LZTFL1: variants seen among roughly 807,000 people sequenced by gnomAD.
LZTFL1 encodes leucine zipper transcription factor-like protein 1.
A neutral mutation model predicts 45.9 loss-of-function variants in LZTFL1; 25 were observed. The ratio of observed to expected loss-of-function variants is 0.54; its 90% CI spans 0.40 to 0.76. The LOEUF (loss-of-function observed/expected upper bound fraction) is 0.76. Among genes scored for constraint, LZTFL1 ranks in the 30% least tolerant of loss-of-function variants. LZTFL1 has a pLI of 0.00. For missense variants in LZTFL1, 277 were observed against 331.1 expected, an observed-to-expected ratio of 0.84 and a Z score of 1.27; for synonymous variants, 93 against 117.4, an observed-to-expected ratio of 0.79 and a Z score of 1.35.
Position 45,864,286 on chromosome 3 carries a change from T to C in LZTFL1, c.-214-5270A>G, listed in dbSNP as rs912663985. ...CAAAATAATGAGGAAGGCATTATCA[T>C]AGGAAGATAACAAAATTTTAATACG... On this transcript the variant is annotated intron_variant, in intron 2 of 4. Coordinates refer to the LZTFL1 transcript ENST00000472635. 3.1e-4 allele frequency among the ~76,000 whole-genome samples: 47 copies of C among 152,192 alleles called. 1 individual carries two copies. The highest frequency in any genetic ancestry group is 1.3e-3 in the Admixed American group (20 of 15,272).
chr3:45,829,475 A>C (rs935922560), intron 7 of LZTFL1, among the ~76,000 whole-genome samples: 2 of 152,030 alleles, frequency 1.3e-5, no homozygotes, highest in African/African-American at 4.8e-5. Flanking sequence ...ATGGTGGCAC[A>C]TGCCTGTGGT....
At chr3:45,908,431 C>T (rs1320274255) in intron 2 of LZTFL1, among the ~76,000 whole-genome samples, 1 of 152,208 alleles carries the variant, frequency 6.6e-6, no homozygotes, top group Non-Finnish European at 1.5e-5. Flanking sequence ...CAGACACAGG[C>T]GTGGTGCTCA....
chr3:45,879,144 A>G (rs993238420), intron 2 of LZTFL1, among the ~76,000 whole-genome samples: 4 of 152,190 alleles, frequency 2.6e-5, no homozygotes, highest in African/African-American at 9.7e-5. Flanking sequence ...TGATCTAGCA[A>G]TCGTGCTTCT....
At chr3:45,826,666 A>T (rs1481204372) in intron 9 of LZTFL1, among the ~76,000 whole-genome samples, 1 of 152,232 alleles carries the variant, frequency 6.6e-6, no homozygotes, top group Non-Finnish European at 1.5e-5. Context: ...CTAAGGACAA[A>T]TCTCACCTTG....
chr3:45,824,003 CATTT>C lies in LZTFL1; in HGVS notation c.*2307_*2310del, dbSNP rs1700603092. The C allele has an allele frequency of 6.6e-6, 1 of 152,132 alleles. No individual in the cohort carries two copies. Among genetic ancestry groups the C allele is most frequent in the Admixed American group, 6.5e-5 (1 of 15,284 alleles). The allele number at this position is 152,132 out of a possible 1,614,324, so 9.4% of individuals were successfully genotyped here. A position where few individuals can be genotyped will look rare whatever the true frequency, so the allele number is the denominator to read the frequency against. ...AGACATAAGCAAATTATCATTTAAA[CATTT>C]ATTTAATATAGGTTAAAATGTAATA... On this transcript the variant is annotated 3_prime_UTR_variant, in exon 10 of 10. Transcript: ENST00000296135.
At chr3:45,833,252 G>C (rs1700879148) in intron 4 of LZTFL1, 131 bp from the exon 5 acceptor site, 1 of 652,682 alleles carries the variant, frequency 1.5e-6, no homozygotes, top group Non-Finnish European at 2.7e-6. Context: ...TTCCACAGGT[G>C]TGGAGATTTC....
intron 2 of LZTFL1, among the ~76,000 whole-genome samples, chr3:45,874,834 A>G (rs1701724999): frequency 6.6e-6 from 1 of 152,170 alleles, no homozygotes; most frequent in Non-Finnish European, 1.5e-5. Flanking sequence ...CTCTCTCTAT[A>G]ACCTTATCAT....
chr3:45,883,980 C>A, intron 2 of LZTFL1: 1 of 320,536 alleles, frequency 3.1e-6, no homozygotes, highest in East Asian at 7.1e-5. Context: ...TGCTGCACTC[C>A]ACGCCATTCT....
At chr3:45,842,955 G>C (rs1701156297), upstream of LZTFL1, among the ~76,000 whole-genome samples, 1 of 152,236 alleles carries the variant, frequency 6.6e-6, no homozygotes, top group South Asian at 2.1e-4. Context: ...TCACTCACAT[G>C]ATACAGAGGT....
upstream of LZTFL1, among the ~76,000 whole-genome samples, chr3:45,844,090 ATAT>A (rs5848772): frequency 0.55 from 83,879 of 151,636 alleles, 23,492 homozygotes; most frequent in East Asian, 0.69. Flanking sequence ...AATTCTTTTT[ATAT>A]TATTATGAAA....
At chr3:45,887,303 A>G (rs1420744586) in intron 2 of LZTFL1, among the ~76,000 whole-genome samples, 1 of 151,812 alleles carries the variant, frequency 6.6e-6, no homozygotes, top group African/African-American at 2.4e-5. Flanking sequence ...AAAAGTCAGA[A>G]AGGAAGTATC....
intron 2 of LZTFL1, among the ~76,000 whole-genome samples, chr3:45,908,247 G>C (rs1002733112): frequency 1.3e-5 from 2 of 152,160 alleles, no homozygotes; most frequent in African/African-American, 4.8e-5. Context: ...TGCCGTGGGA[G>C]GCTTGCTCTG....
Position 45,824,440 on chromosome 3 carries a change from C to T in LZTFL1, c.*1874G>A, listed in dbSNP as rs1379211277. On this transcript the variant is annotated 3_prime_UTR_variant, in exon 10 of 10. Coordinates refer to ENST00000296135, the MANE Select transcript of LZTFL1 (RefSeq NM_020347.4). ...GTGTTTACATGTGAAAGAATCATCACGTTGATTTACGTCAAAGAACATCAT... is the reference window on the plus strand; with the variant it reads ...GTGTTTACATGTGAAAGAATCATCATGTTGATTTACGTCAAAGAACATCAT... 6.0e-6 allele frequency: 1 copy of T among 167,630 alleles called. No individual in the cohort carries two copies. Among genetic ancestry groups the T allele is most frequent in the Non-Finnish European group, 1.3e-5 (1 of 78,628 alleles). The allele number at this position is 167,630 out of a possible 1,614,324, so 10.4% of individuals were successfully genotyped here.
upstream of LZTFL1, among the ~76,000 whole-genome samples, chr3:45,846,979 C>G (rs535667748): frequency 2.0e-5 from 3 of 152,274 alleles, no homozygotes; most frequent in East Asian, 1.9e-4. Flanking sequence ...AAGTCAAAAT[C>G]AGTCTTGAAT....
intron 2 of LZTFL1, chr3:45,895,144 G>C: frequency 1.6e-6 from 1 of 634,478 alleles, no homozygotes; most frequent in Non-Finnish European, 2.8e-6. Context: ...ATGCAAAGAG[G>C]CAGCTATGCT....
intron 2 of LZTFL1, among the ~76,000 whole-genome samples, chr3:45,873,474 T>C (rs187303932): frequency 6.6e-6 from 1 of 152,346 alleles, no homozygotes; most frequent in African/African-American, 2.4e-5. Flanking sequence ...GTATTTTTAT[T>C]AATATTAATA....
chr3:45,847,423 C>A (rs1450909026), intron 4 of LZTFL1, among the ~76,000 whole-genome samples: 2 of 152,256 alleles, frequency 1.3e-5, no homozygotes, highest in Non-Finnish European at 1.5e-5. Flanking sequence ...GTGCAATGAG[C>A]CTTAAAGGTC....
At chr3:45,869,982 C>T (rs919381541) in intron 2 of LZTFL1, among the ~76,000 whole-genome samples, 6 of 152,256 alleles carry the variant, frequency 3.9e-5, no homozygotes, top group South Asian at 4.1e-4. Context: ...TTTGCATTTT[C>T]CTCCAACTCT....
At chr3:45,829,962 G>T (rs1320475741) in intron 7 of LZTFL1, among the ~76,000 whole-genome samples, 1 of 152,160 alleles carries the variant, frequency 6.6e-6, no homozygotes, top group East Asian at 1.9e-4. Context: ...CAGATAAAAT[G>T]GTTCAACGTC....
Sources: gnomAD v4.1 joint callset for allele counts (sites outside exome capture counted in the v4.1 genomes callset) on GRCh38, gnomAD v4.1.1 for gene constraint, MANE v1.5 for transcripts, NCBI Gene and HGNC (gene_info 2026-07-23, HGNC 2026-07-21) for gene names.